Variants in FRMD4A observed in about 807,000 individuals in gnomAD.
FRMD4A encodes FERM domain-containing protein 4A.
A neutral mutation model predicts 129.1 loss-of-function variants in FRMD4A; 29 were observed. That is an observed-to-expected ratio of 0.22 (90% CI 0.17 to 0.31). The LOEUF (loss-of-function observed/expected upper bound fraction) is 0.31, where lower values mean the gene tolerates loss of function less well. FRMD4A is among the 10% of genes least tolerant of loss of function. The pLI, the probability that FRMD4A is intolerant of heterozygous loss-of-function variation, is 1.00. For missense variants in FRMD4A, 1,272 were observed against 1,375.8 expected (o/e 0.92, Z 1.19); for synonymous variants, 634 against 571.6 (o/e 1.11, Z -1.56).
intron 9 of FRMD4A, among the ~76,000 whole-genome samples, chr10:13,745,960 G>A (rs1042053873): frequency 5.1e-4 from 78 of 152,300 alleles, no homozygotes; most frequent in African/African-American, 1.8e-3. Flanking sequence ...TGCAAGTCTC[G>A]ACATTTGGAA....
At chr10:13,750,061 GAAGGAAGGAAGAAAGAAAGA>G (rs1420251398) in intron 8 of FRMD4A, among the ~76,000 whole-genome samples, 2 of 45,258 alleles carry the variant, frequency 4.4e-5, no homozygotes, top group African/African-American at 6.6e-5. Flanking sequence ...AGGAAGGAAG[GAAGGAAGGAAGAAAGAAAGA>G]AAGAAAGAAA....
intron 15 of FRMD4A, among the ~76,000 whole-genome samples, chr10:13,689,946 C>T (rs1305515634): frequency 6.6e-6 from 1 of 152,102 alleles, no homozygotes; most frequent in African/African-American, 2.4e-5. Context: ...GTGCATCAAA[C>T]ACCTATTGGG....
rs2081032127 is a variant in FRMD4A at position 13,645,008 on chromosome 10, TG to T, written c.*2029del. On this transcript the variant is annotated 3_prime_UTR_variant, in exon 25 of 25. Transcript: ENST00000357447. ...GCATGGAGCTGGGGAAAGCAGGCCC[TG>T]AATTGTCTAGAGAGACTTGGTGGAG... 6.6e-6 allele frequency: 1 copy of T among 152,118 alleles called. No individual in the cohort carries two copies. Among genetic ancestry groups the T allele is most frequent in the African/African-American group, 2.4e-5 (1 of 41,404 alleles). 9.4% of individuals were successfully genotyped at this position (152,118 alleles called of 1,614,324 possible).
intron 2 of FRMD4A, among the ~76,000 whole-genome samples, chr10:14,192,348 T>C (rs990695087): frequency 3.3e-5 from 5 of 152,222 alleles, no homozygotes; most frequent in African/African-American, 7.2e-5. Context: ...TTGAAAGAGA[T>C]TGATTAACTT....
chr10:13,668,679 T>A (rs1037891475), intron 17 of FRMD4A, among the ~76,000 whole-genome samples: 1 of 152,106 alleles, frequency 6.6e-6, no homozygotes, highest in South Asian at 2.1e-4. Flanking sequence ...GTGAAAGGTG[T>A]GGTGGGACTC....
rs117464662 is a variant in FRMD4A at position 13,999,664 on chromosome 10, G to A, written c.46-140752C>T. On this transcript the variant is annotated intron_variant, in intron 2 of 24. Transcript: ENST00000357447. Reference sequence around the variant, plus strand: ...AGTAATGTAGGAAAATGATCAGAAGGATATTTCTGTACTATCTCAAAATAT... The same window carrying A: ...AGTAATGTAGGAAAATGATCAGAAGAATATTTCTGTACTATCTCAAAATAT... Among the ~76,000 whole-genome samples the A allele has an allele frequency of 7.6e-3, 1,157 of 152,330 alleles. 5 individuals are homozygous for A. The highest frequency in any genetic ancestry group is 0.017 in the Middle Eastern group (5 of 294).
At chr10:14,044,884 C>T (rs11258819) in intron 2 of FRMD4A, among the ~76,000 whole-genome samples, 18,496 of 152,156 alleles carry the variant, frequency 0.12, 1,563 homozygotes, top group African/African-American at 0.24. Flanking sequence ...TTGAATTCAG[C>T]GATACCTTTG....
At chr10:14,047,064 A>G (rs537875235) in intron 2 of FRMD4A, among the ~76,000 whole-genome samples, 81 of 152,242 alleles carry the variant, frequency 5.3e-4, no homozygotes, top group African/African-American at 1.9e-3. Flanking sequence ...TCAGAATGTG[A>G]AAGAATGACT....
chr10:14,189,853 T>G (rs1842263435), intron 2 of FRMD4A, among the ~76,000 whole-genome samples: 1 of 152,150 alleles, frequency 6.6e-6, no homozygotes. Context: ...GGCAAAAGTG[T>G]TGGGAATTTG....
In FRMD4A at chr10:14,122,823, G is replaced by A. The variant is rs186842524; in HGVS notation, c.45+207235C>T. On this transcript the variant is annotated intron_variant, in intron 2 of 24. Transcript: ENST00000357447. ...TCCAAACCATTTCAGGGTTTATAGCGATGTTTCAATACATATACTGTATAG... is the reference window on the plus strand; with the variant it reads ...TCCAAACCATTTCAGGGTTTATAGCAATGTTTCAATACATATACTGTATAG... 8.5e-5 allele frequency among the ~76,000 whole-genome samples: 13 copies of A among 152,160 alleles called. No individual in the cohort carries two copies. In the East Asian group the frequency reaches 2.3e-3, roughly 27 times the overall value.
intron 2 of FRMD4A, among the ~76,000 whole-genome samples, chr10:14,243,064 TCATCCATC>T (rs55958120): frequency 0.81 from 122,901 of 151,346 alleles, 50,299 homozygotes; most frequent in Non-Finnish European, 0.87. Flanking sequence ...CTCCATCCAT[TCATCCATC>T]CATCCATACA....
chr10:13,684,634 C>A, intron 15 of FRMD4A: 1 of 985,308 alleles, frequency 1.0e-6, no homozygotes, highest in Non-Finnish European at 1.2e-6. Flanking sequence ...GACTCAGCAC[C>A]GGATATGAGC....
At chr10:14,156,711 G>T (rs1025551201) in intron 2 of FRMD4A, among the ~76,000 whole-genome samples, 1 of 152,110 alleles carries the variant, frequency 6.6e-6, no homozygotes, top group Non-Finnish European at 1.5e-5. Context: ...CAGCCATTTT[G>T]CATAAAACTC....
intron 2 of FRMD4A, among the ~76,000 whole-genome samples, chr10:14,150,751 G>A (rs948823803): frequency 1.2e-4 from 18 of 152,178 alleles, no homozygotes; most frequent in Middle Eastern, 3.4e-3. Flanking sequence ...TAGGAAACAC[G>A]CTTACAGCCA....
intron 2 of FRMD4A, among the ~76,000 whole-genome samples, chr10:14,106,304 G>A (rs1837583931): frequency 6.6e-6 from 1 of 152,082 alleles, no homozygotes; most frequent in Non-Finnish European, 1.5e-5. Flanking sequence ...TCCTGAATCT[G>A]TTTGAAACAC....
At chr10:13,834,010 G>A (rs1329403307) in intron 3 of FRMD4A, among the ~76,000 whole-genome samples, 1 of 152,048 alleles carries the variant, frequency 6.6e-6, no homozygotes, top group Non-Finnish European at 1.5e-5. Flanking sequence ...GTAATCCCAG[G>A]ACTTTGGGAG....
At chr10:13,850,806 A>G (rs2094130464) in intron 3 of FRMD4A, among the ~76,000 whole-genome samples, 2 of 152,218 alleles carry the variant, frequency 1.3e-5, no homozygotes, top group Admixed American at 6.6e-5. Flanking sequence ...CCTATACTTC[A>G]CTAGCTACGT....
At chr10:13,967,262 G>A (rs1383559299) in intron 2 of FRMD4A, among the ~76,000 whole-genome samples, 1 of 152,192 alleles carries the variant, frequency 6.6e-6, no homozygotes, top group African/African-American at 2.4e-5. Context: ...GCGTGAACCC[G>A]GGAGGCGGAG....
intron 3 of FRMD4A, among the ~76,000 whole-genome samples, chr10:13,814,580 C>CAAAAAAAAAAAAAAAAAA (rs553044764): frequency 2.2e-4 from 9 of 41,390 alleles, no homozygotes; most frequent in African/African-American, 6.2e-4. Flanking sequence ...GACCCTGTTT[C>CAAAAAAAAAAAAAAAAAA]AAAAAAAAAA....
Sources: allele counts gnomAD v4.1 joint callset (sites outside exome capture counted in the v4.1 genomes callset), GRCh38; gene constraint gnomAD v4.1.1; transcripts MANE v1.5; gene names NCBI Gene and HGNC (gene_info 2026-07-23, HGNC 2026-07-21).